PTK2: variants seen among roughly 807,000 people sequenced by gnomAD.
The protein encoded by PTK2 is focal adhesion kinase 1.
Under a neutral mutation model 150.1 loss-of-function variants are expected in PTK2, and 45 were observed. That is an observed-to-expected ratio of 0.30 (90% CI 0.24 to 0.38). The LOEUF (loss-of-function observed/expected upper bound fraction) is 0.38, where lower values mean the gene tolerates loss of function less well. Ranked by LOEUF, PTK2 falls within the 10% of genes least tolerant of loss-of-function variation. The pLI is 1.00. For missense variants in PTK2, 919 were observed against 1,307.3 expected, an observed-to-expected ratio of 0.70 and a Z score of 4.58; for synonymous variants, 432 against 449.2, an observed-to-expected ratio of 0.96 and a Z score of 0.48.
chr8:140,664,914 T>C lies in PTK2; in HGVS notation c.2946+3A>G. 6.2e-7 allele frequency: 1 copy of C among 1,612,472 alleles called. No homozygotes were observed. The highest frequency in any genetic ancestry group is 8.5e-7 in the Non-Finnish European group (1 of 1,179,578). On this transcript the variant is annotated splice_donor_region_variant and intron_variant, in intron 31 of 31. Coordinates refer to ENST00000522684, the Ensembl canonical transcript of PTK2. ...GGGCTGCAAGGGGAAGATTGTGCCC[T>C]ACCTCTCGGTGGGTGCTGGCTGGTA...
intron 1 of PTK2, among the ~76,000 whole-genome samples, chr8:140,988,837 T>C (rs887817503): frequency 7.9e-5 from 12 of 151,768 alleles, no homozygotes; most frequent in African/African-American, 2.7e-4. Flanking sequence ...CAATAAATGG[T>C]GTTGGGATAA....
intron 10 of PTK2, among the ~76,000 whole-genome samples, chr8:140,811,749 C>T (rs1446779998): frequency 6.6e-6 from 1 of 152,154 alleles, no homozygotes; most frequent in Non-Finnish European, 1.5e-5. Context: ...GAAAAGCACA[C>T]TACAAAGATT....
At chr8:140,757,080 A>G (rs2100066289) in intron 16 of PTK2, among the ~76,000 whole-genome samples, 1 of 152,238 alleles carries the variant, frequency 6.6e-6, no homozygotes, top group Admixed American at 6.5e-5. Context: ...ACGTATTTTA[A>G]AAGTGAATGA....
chr8:140,789,717 A>C (rs1195596208), intron 13 of PTK2, among the ~76,000 whole-genome samples, 191 bp from the exon 14 acceptor site: 3 of 152,260 alleles, frequency 2.0e-5, no homozygotes, highest in Non-Finnish European at 2.9e-5. Context: ...ATTAAAATAC[A>C]CAACTGAAGG....
At chr8:140,698,675 C>T (rs1173698250) in intron 26 of PTK2, among the ~76,000 whole-genome samples, 5 of 151,772 alleles carry the variant, frequency 3.3e-5, no homozygotes, top group Admixed American at 1.3e-4. Context: ...GAGTACACTG[C>T]GCCATCTTGG....
intron 27 of PTK2, among the ~76,000 whole-genome samples, chr8:140,678,895 T>C (rs2100015352): frequency 6.6e-6 from 1 of 151,288 alleles, no homozygotes; most frequent in African/African-American, 2.4e-5. Context: ...TACTCACTGC[T>C]TCAGGCAATA....
intron 17 of PTK2, 88 bp downstream of exon 20, chr8:140,752,144 A>G (rs1315541683): frequency 8.7e-7 from 1 of 1,146,864 alleles, no homozygotes; most frequent in Non-Finnish European, 1.3e-6. Context: ...AAAAGTCAAA[A>G]CACTATTTTT....
intron 26 of PTK2, among the ~76,000 whole-genome samples, chr8:140,694,612 T>C (rs190608426): frequency 5.3e-5 from 8 of 152,190 alleles, no homozygotes; most frequent in African/African-American, 1.4e-4. Context: ...AACCTAAAAG[T>C]AGGTGCAGCG....
intron 1 of PTK2, among the ~76,000 whole-genome samples, chr8:140,968,944 C>A (rs1254399734): frequency 6.6e-6 from 1 of 152,144 alleles, no homozygotes; most frequent in Non-Finnish European, 1.5e-5. Flanking sequence ...AGCATCATGG[C>A]CCAGCTGAAA....
intron 26 of PTK2, among the ~76,000 whole-genome samples, chr8:140,693,860 G>A (rs2100024743): frequency 6.6e-6 from 1 of 151,942 alleles, no homozygotes. Flanking sequence ...CTAAAATTTG[G>A]GTAATACTAC....
At chr8:140,803,974 G>A (rs756872482) in intron 10 of PTK2, among the ~76,000 whole-genome samples, 1 of 152,170 alleles carries the variant, frequency 6.6e-6, no homozygotes, top group Non-Finnish European at 1.5e-5. Context: ...GGCCTGACTC[G>A]TTTGCCAGCC....
chr8:140,987,542 T>C (rs1555503438), intron 1 of PTK2, among the ~76,000 whole-genome samples: 8 of 152,178 alleles, frequency 5.3e-5, no homozygotes, highest in Non-Finnish European at 1.2e-4. Flanking sequence ...AATAACCATA[T>C]AAGAAGATGC....
chr8:140,893,591 C>T (rs1002051227), intron 2 of PTK2, among the ~76,000 whole-genome samples: 2 of 152,108 alleles, frequency 1.3e-5, no homozygotes, highest in Admixed American at 6.6e-5. Context: ...CAAATCTATA[C>T]AGAAGAAAGT....
chr8:140,817,288 T>C (rs1243780679), intron 10 of PTK2, among the ~76,000 whole-genome samples: 1 of 151,854 alleles, frequency 6.6e-6, no homozygotes, highest in Non-Finnish European at 1.5e-5. Context: ...GAGAAAAGAA[T>C]GGTAGAGGCA....
intron 23 of PTK2, among the ~76,000 whole-genome samples, chr8:140,706,905 T>C (rs2100034132): frequency 6.6e-6 from 1 of 152,194 alleles, no homozygotes; most frequent in African/African-American, 2.4e-5. Flanking sequence ...TGTACATGAA[T>C]GTTCTTAACA....
chr8:140,725,840 T>C (rs1021973114), intron 22 of PTK2, among the ~76,000 whole-genome samples: 1 of 123,486 alleles, frequency 8.1e-6, no homozygotes, highest in African/African-American at 3.1e-5. Flanking sequence ...CATTCCTTGA[T>C]ATACAAAAAA....
At chr8:140,704,359 T>C (rs1314648318) in intron 24 of PTK2, among the ~76,000 whole-genome samples, 6 of 152,234 alleles carry the variant, frequency 3.9e-5, no homozygotes, top group African/African-American at 1.4e-4. Flanking sequence ...TTTTACTTAA[T>C]TCTCTATTTA....
At chr8:140,933,814 G>C (rs1441550607) in intron 1 of PTK2, among the ~76,000 whole-genome samples, 2 of 152,022 alleles carry the variant, frequency 1.3e-5, no homozygotes, top group African/African-American at 4.8e-5. Context: ...ATTGATGGTG[G>C]TGATTGTACT....
rs897428545 is a variant in PTK2 at position 140,800,637 on chromosome 8, C to T, written c.976-61G>A. 12 of 1,309,358 alleles carry T rather than the reference C, an allele frequency of 9.2e-6. No individual in the cohort carries two copies. In the South Asian group the frequency reaches 9.4e-5, roughly 10 times the overall value. 81.1% of individuals were successfully genotyped at this position (1,309,358 alleles called of 1,614,324 possible). On this transcript the variant is annotated intron_variant, in intron 11 of 31. Transcript: ENST00000522684. Reference sequence around the variant, plus strand: ...GTTCTTCCCAGTAAGCAAAGGACAGCTGTGCTATGACATCAGACATCTCTA... The same window carrying T: ...GTTCTTCCCAGTAAGCAAAGGACAGTTGTGCTATGACATCAGACATCTCTA...
Sources: allele counts gnomAD v4.1 joint callset (sites outside exome capture counted in the v4.1 genomes callset), GRCh38; gene constraint gnomAD v4.1.1; transcripts MANE v1.5; gene names NCBI Gene and HGNC (gene_info 2026-07-23, HGNC 2026-07-21).